Variants in CHST9 observed in about 807,000 individuals in gnomAD.
The protein encoded by CHST9 is GalNAc-4-sulfotransferase 2.
In CHST9, 41 loss-of-function variants were observed where a neutral mutation model predicts 44.4. The observed-to-expected ratio is 0.92, with a 90% CI of 0.72 to 1.20. The LOEUF (loss-of-function observed/expected upper bound fraction) is 1.20. Ranked by LOEUF, CHST9 falls within the 50% of genes most tolerant of loss-of-function variation. CHST9 has a pLI of 0.00. For missense variants in CHST9, 504 were observed against 516.5 expected, an observed-to-expected ratio of 0.98 and a Z score of 0.23; for synonymous variants, 171 against 178.4, an observed-to-expected ratio of 0.96 and a Z score of 0.33.
intron 2 of CHST9, among the ~76,000 whole-genome samples, chr18:27,050,954 T>C (rs2057559513): frequency 6.6e-6 from 1 of 152,218 alleles, no homozygotes; most frequent in African/African-American, 2.4e-5. Context: ...TGTATGTATT[T>C]GAGATAAATA....
intron 4 of CHST9, among the ~76,000 whole-genome samples, chr18:27,016,004 C>G (rs190512012): frequency 8.5e-5 from 13 of 152,300 alleles, no homozygotes; most frequent in African/African-American, 3.1e-4. Context: ...TGGTGAGCAT[C>G]CCCCTTTCTG....
At chr18:27,014,475 A>G (rs2057124510) in intron 4 of CHST9, among the ~76,000 whole-genome samples, 2 of 148,052 alleles carry the variant, frequency 1.4e-5, no homozygotes, top group South Asian at 2.2e-4. Flanking sequence ...AAAAAAAAAA[A>G]AAAAAAAAAA....
At chr18:26,947,562 A>G (rs1045497183) in intron 4 of CHST9, among the ~76,000 whole-genome samples, 2 of 152,240 alleles carry the variant, frequency 1.3e-5, no homozygotes, top group Non-Finnish European at 2.9e-5. Flanking sequence ...TTTATAAGAA[A>G]AAAACAAACC....
At chr18:27,109,111 T>G (rs138812352) in intron 2 of CHST9, among the ~76,000 whole-genome samples, 4 of 152,178 alleles carry the variant, frequency 2.6e-5, no homozygotes, top group Non-Finnish European at 5.9e-5. Flanking sequence ...ATTAGATGCC[T>G]GTTGTGTTTC....
chr18:27,074,983 TAAAGAA>T (rs1040290242), intron 2 of CHST9, among the ~76,000 whole-genome samples: 1 of 148,846 alleles, frequency 6.7e-6, no homozygotes. Context: ...TATAATGCTT[TAAAGAA>T]AATGTTTTTC....
At chr18:26,933,939 G>A (rs2055928701) in intron 5 of CHST9, among the ~76,000 whole-genome samples, 1 of 152,176 alleles carries the variant, frequency 6.6e-6, no homozygotes, top group African/African-American at 2.4e-5. Context: ...AGCTACTAGG[G>A]CTGAGATCTT....
chr18:27,183,691 A>T (rs1243102944), intron 1 of CHST9, among the ~76,000 whole-genome samples: 1 of 152,226 alleles, frequency 6.6e-6, no homozygotes, highest in African/African-American at 2.4e-5. Context: ...CCTAGGAATC[A>T]TACTGTTTGA....
chr18:27,114,261 A>G (rs1419126643), intron 2 of CHST9, among the ~76,000 whole-genome samples: 1 of 152,202 alleles, frequency 6.6e-6, no homozygotes, highest in Non-Finnish European at 1.5e-5. Flanking sequence ...GTAACATCTA[A>G]GTATATAGTC....
chr18:26,975,709 A>G (rs1239436186), intron 4 of CHST9, among the ~76,000 whole-genome samples: 16 of 56,966 alleles, frequency 2.8e-4, no homozygotes, highest in Admixed American at 9.7e-4. Context: ...ATGTGTATAT[A>G]TGTGTGTGTG....
At chr18:26,937,403 G>A (rs2056013184) in intron 5 of CHST9, among the ~76,000 whole-genome samples, 1 of 152,110 alleles carries the variant, frequency 6.6e-6, no homozygotes, top group Admixed American at 6.5e-5. Context: ...GTCAGAATTG[G>A]GGGATTAATT....
At chr18:27,007,379 G>A (rs2057029110) in intron 4 of CHST9, among the ~76,000 whole-genome samples, 2 of 152,164 alleles carry the variant, frequency 1.3e-5, no homozygotes, top group South Asian at 4.1e-4. Flanking sequence ...GCAAGGAGGT[G>A]ACACTTACTG....
intron 2 of CHST9, among the ~76,000 whole-genome samples, chr18:27,097,640 G>C (rs2143738487): frequency 6.6e-6 from 1 of 152,114 alleles, no homozygotes. Flanking sequence ...TGGTGTTTTA[G>C]TCATGAAGTC....
intron 1 of CHST9, among the ~76,000 whole-genome samples, chr18:27,149,884 A>T (rs368880497): frequency 3.3e-5 from 5 of 151,840 alleles, no homozygotes; most frequent in African/African-American, 9.7e-5. Context: ...TCACTTGTTC[A>T]AGTTTCATTT....
chr18:26,962,423 T>C (rs1255491781), intron 4 of CHST9, among the ~76,000 whole-genome samples: 1 of 151,584 alleles, frequency 6.6e-6, no homozygotes, highest in African/African-American at 2.4e-5. Context: ...CCTAAGTAAC[T>C]AGGACTACAG....
intron 3 of CHST9, among the ~76,000 whole-genome samples, chr18:27,032,968 T>A (rs1598656243): frequency 1.3e-5 from 2 of 152,174 alleles, no homozygotes; most frequent in African/African-American, 4.8e-5. Context: ...TAGTTTCATA[T>A]CCTTTGAAAA....
At chr18:27,170,124 T>G (rs1296327437) in intron 1 of CHST9, among the ~76,000 whole-genome samples, 1 of 152,230 alleles carries the variant, frequency 6.6e-6, no homozygotes, top group East Asian at 1.9e-4. Flanking sequence ...ACAGAGGGTA[T>G]GCTGAGACAA....
chr18:27,176,617 G>A (rs564075349), intron 1 of CHST9, among the ~76,000 whole-genome samples: 2 of 151,996 alleles, frequency 1.3e-5, no homozygotes, highest in South Asian at 2.1e-4. Flanking sequence ...AATGCCAGGT[G>A]TATGAGCTGT....
intron 5 of CHST9, among the ~76,000 whole-genome samples, chr18:26,943,401 A>G (rs1384219890): frequency 6.6e-6 from 1 of 152,252 alleles, no homozygotes; most frequent in Admixed American, 6.5e-5. Context: ...GACAATAGGA[A>G]CTAGAATTGG....
At chr18:26,987,091 G>C (rs1025225135) in intron 4 of CHST9, among the ~76,000 whole-genome samples, 62 of 152,274 alleles carry the variant, frequency 4.1e-4, no homozygotes, top group African/African-American at 1.4e-3. Flanking sequence ...TTGGGAGATG[G>C]GGCAGAGTGG....
Sources: gnomAD v4.1 joint callset for allele counts (sites outside exome capture counted in the v4.1 genomes callset) on GRCh38, gnomAD v4.1.1 for gene constraint, MANE v1.5 for transcripts, NCBI Gene and HGNC (gene_info 2026-07-23, HGNC 2026-07-21) for gene names.